KIF24: variants seen among roughly 807,000 people sequenced by gnomAD.
KIF24 encodes kinesin-like protein KIF24.
Under a neutral mutation model 118.9 loss-of-function variants are expected in KIF24, and 81 were observed. The ratio of observed to expected loss-of-function variants is 0.68; its 90% CI spans 0.57 to 0.82. The LOEUF (loss-of-function observed/expected upper bound fraction) is 0.82, where lower values mean the gene tolerates loss of function less well. KIF24 is among the 40% of genes least tolerant of loss of function. The pLI is 0.00. For missense variants in KIF24, 1,560 were observed against 1,661.6 expected (o/e 0.94, Z 1.06); for synonymous variants, 599 against 610.0 (o/e 0.98, Z 0.27).
chr9:34,313,611 T>C (rs191460823), intron 1 of KIF24, among the ~76,000 whole-genome samples: 23 of 151,808 alleles, frequency 1.5e-4, no homozygotes, highest in African/African-American at 5.3e-4. Context: ...CATGCCCAGA[T>C]TAAAATTATT....
chr9:34,319,756 T>G, intron 1 of KIF24: 1 of 615,264 alleles, frequency 1.6e-6, no homozygotes, highest in Non-Finnish European at 3.0e-6. Context: ...GCTTGGATAC[T>G]CCATGGGTGG....
chr9:34,262,662 AAAAAAAAAAAAAAATATATATATAT>A (rs1378881407), intron 9 of KIF24, among the ~76,000 whole-genome samples: 1 of 50,338 alleles, frequency 2.0e-5, no homozygotes, highest in African/African-American at 7.7e-5. Context: ...AAAAAAAAAA[AAAAAAAAAAAAAAATATATATATAT>A]ATATATATAT....
At position 34,256,532 on chromosome 9, in the gene KIF24, G is replaced by A. The variant is rs539016505; in HGVS notation, c.3075C>T (p.Asn1025=). The A allele has an allele frequency of 3.8e-5, 62 of 1,613,990 alleles. 1 individual carries two copies. The Admixed American group carries it at 4.3e-4, about 11-fold the overall frequency. The part of the protein sequence containing the change: ...GPIQVTSTVK[N]GHAVPGEDPR... ...GATCCTCTCCTGGGACAGCATGACC[G>A]TTTTTCACAGTGCTGGTCACCTGGA... The change falls in exon 11 of 13, where the codon AAC becomes AAT. Residue 1025 remains asparagine, a synonymous_variant. Transcript: ENST00000402558.
chr9:34,315,346 T>G (rs765720145), intron 1 of KIF24, among the ~76,000 whole-genome samples: 8 of 152,160 alleles, frequency 5.3e-5, no homozygotes, highest in Non-Finnish European at 1.2e-4. Context: ...AAATTGTATA[T>G]AACACTGTAC....
chr9:34,299,859 A>G (rs977366091), intron 3 of KIF24, among the ~76,000 whole-genome samples: 1 of 150,960 alleles, frequency 6.6e-6, no homozygotes, highest in Non-Finnish European at 1.5e-5. Flanking sequence ...TAGTTGGTCT[A>G]ATATGTAAGA....
At position 34,328,213 on chromosome 9, in the gene KIF24, T is replaced by C. The variant is rs374786536; in HGVS notation, c.-26+893A>G. 1.3e-3 allele frequency among the ~76,000 whole-genome samples: 204 copies of C among 152,284 alleles called. 6 individuals are homozygous for C. In the South Asian group the frequency reaches 0.038, roughly 28 times the overall value. On this transcript the variant is annotated intron_variant, in intron 1 of 12. Transcript: ENST00000402558. ...TGAGCAGCTGTTATATGCACTTCAATAGAGAGACTACAAAGCCTCTCTACT... is the reference window on the plus strand; with the variant it reads ...TGAGCAGCTGTTATATGCACTTCAACAGAGAGACTACAAAGCCTCTCTACT...
chr9:34,332,331 T>C (rs1020766639), upstream of KIF24, among the ~76,000 whole-genome samples: 3 of 152,242 alleles, frequency 2.0e-5, no homozygotes, highest in Non-Finnish European at 4.4e-5. Context: ...GGGTACCTTG[T>C]TAACCTAAAG....
chr9:34,294,726 G>A (rs1202053567), intron 4 of KIF24, among the ~76,000 whole-genome samples: 1 of 152,156 alleles, frequency 6.6e-6, no homozygotes, highest in East Asian at 1.9e-4. Context: ...ACACCATTAT[G>A]CTAAGCAAAC....
At chr9:34,258,342 G>T (rs1398228760) in intron 10 of KIF24, among the ~76,000 whole-genome samples, 1 of 152,132 alleles carries the variant, frequency 6.6e-6, no homozygotes, top group Admixed American at 6.5e-5. Context: ...GGTGATGCGT[G>T]TCTGTAGGCC....
At chr9:34,329,027 C>T (rs751651653) in intron 1 of KIF24, among the ~76,000 whole-genome samples, 79 bp downstream of exon 1, 5 of 152,268 alleles carry the variant, frequency 3.3e-5, no homozygotes, top group Admixed American at 3.3e-4. Context: ...GCCGACGTCA[C>T]GCGCACCCGT....
intron 3 of KIF24, 125 bp from the exon 4 acceptor site, chr9:34,297,239 T>TA: frequency 1.7e-6 from 1 of 577,168 alleles, no homozygotes; most frequent in East Asian, 2.9e-5. Flanking sequence ...ATATCAAACT[T>TA]AGAGGTAAAT....
rs576088429 is a variant in KIF24, at chr9:34,280,681, T to C, written c.1215+5936A>G. ...CTTTGCAATCACTAGAAAGAGGCTCTTAGTGATTGCACTAAAACAGACACA... is the reference window on the plus strand; with the variant it reads ...CTTTGCAATCACTAGAAAGAGGCTCCTAGTGATTGCACTAAAACAGACACA... On this transcript the variant is annotated intron_variant, in intron 6 of 12. Transcript: ENST00000402558. Among the ~76,000 whole-genome samples the C allele has an allele frequency of 4.6e-5, 7 of 152,298 alleles. No homozygotes were observed. The Middle Eastern group carries it at 0.01, about 222-fold the overall frequency.
At chr9:34,311,652 G>T (rs538112033) in intron 1 of KIF24, among the ~76,000 whole-genome samples, 1 of 137,790 alleles carries the variant, frequency 7.3e-6, no homozygotes, top group East Asian at 2.9e-4. Flanking sequence ...GTATATATAC[G>T]TGTATATACA....
Position 34,286,658 on chromosome 9 carries a change from G to T in KIF24, c.1174C>A (p.Leu392Met), listed in dbSNP as rs781742432. ...DSKHMVQIVG[L>M]QELQVDSVEL... ...ACACTGTCCACCTGAAGCTCTTGCAGTCCCACTATCTGCACCATGTGCTTG... is the reference window on the plus strand; with the variant it reads ...ACACTGTCCACCTGAAGCTCTTGCATTCCCACTATCTGCACCATGTGCTTG... The change falls in exon 6 of 13, where the codon CTG (leucine) becomes ATG (methionine). Residue 392 changes from leucine (L) to methionine (M), a missense_variant. By Grantham distance (15) the Leu-to-Met change is conservative. Coordinates refer to ENST00000402558, the MANE Select transcript of KIF24 (RefSeq NM_194313.4). The T allele has an allele frequency of 6.2e-7, 1 of 1,613,576 alleles. No individual in the cohort carries two copies. The highest frequency in any genetic ancestry group is 8.5e-7 in the Non-Finnish European group (1 of 1,179,548).
rs1329201767 is a variant in KIF24, at chr9:34,302,115, C to T, written c.813+4137G>A. On this transcript the variant is annotated intron_variant, in intron 3 of 12. Transcript: ENST00000402558. ...GTTCACGCCATTCTCCTGCCTCAGC[C>T]TCCCTAGTAGCTGGGACTACAGGCG... 4.0e-5 allele frequency among the ~76,000 whole-genome samples: 6 copies of T among 151,142 alleles called. No individual in the cohort carries two copies. In the East Asian group the frequency reaches 1.2e-3, roughly 30 times the overall value.
chr9:34,309,969 CT>C (rs201063121), intron 2 of KIF24, among the ~76,000 whole-genome samples: 22,260 of 123,258 alleles, frequency 0.18, 1,747 homozygotes, highest in Non-Finnish European at 0.2. Flanking sequence ...ACAAGGAGTA[CT>C]TTTTTTTTTT....
chr9:34,317,116 G>A (rs756344288), intron 1 of KIF24, among the ~76,000 whole-genome samples: 6 of 152,102 alleles, frequency 3.9e-5, no homozygotes, highest in African/African-American at 7.2e-5. Context: ...TACTCGGGAG[G>A]CTGAGGCAGG....
At chr9:34,258,367 G>A (rs1834936609) in intron 10 of KIF24, among the ~76,000 whole-genome samples, 1 of 152,194 alleles carries the variant, frequency 6.6e-6, no homozygotes, top group Non-Finnish European at 1.5e-5. Context: ...TACTTGGGAG[G>A]CTGAGGCGGG....
chr9:34,280,295 A>G (rs1835806432), intron 6 of KIF24, among the ~76,000 whole-genome samples: 1 of 120,726 alleles, frequency 8.3e-6, no homozygotes, highest in African/African-American at 2.6e-5. Flanking sequence ...AAAAAAAAAA[A>G]AAAAAAAAAA....
Sources: gnomAD v4.1 joint callset for allele counts (sites outside exome capture counted in the v4.1 genomes callset) on GRCh38, gnomAD v4.1.1 for gene constraint, MANE v1.5 for transcripts, NCBI Gene and HGNC (gene_info 2026-07-23, HGNC 2026-07-21) for gene names.